The following OSBPL9 variants were observed in gnomAD, a reference collection of about 807,000 sequenced individuals.
OSBPL9 encodes oxysterol binding protein like 9.
In OSBPL9, 40 loss-of-function variants were observed where a neutral mutation model predicts 106.6. The ratio of observed to expected loss-of-function variants is 0.38; its 90% CI spans 0.29 to 0.49. The LOEUF is 0.49. Ranked by LOEUF, OSBPL9 falls within the 20% of genes least tolerant of loss-of-function variation. The pLI is 0.97. For synonymous variants in OSBPL9, 269 were observed against 295.4 expected (o/e 0.91, Z 0.92); for missense variants, 609 against 887.2 (o/e 0.69, Z 3.98).
At chr1:51,698,460 A>AG (rs1571155288) in intron 3 of OSBPL9, among the ~76,000 whole-genome samples, 2 of 152,242 alleles carry the variant, frequency 1.3e-5, no homozygotes, top group East Asian at 3.9e-4. Context: ...TCCAGTTTAT[A>AG]TGTATATGTG....
intron 2 of OSBPL9, among the ~76,000 whole-genome samples, chr1:51,663,295 A>AGTGTGTGTGTGTGT (rs10544368): frequency 5.4e-5 from 8 of 148,710 alleles, no homozygotes; most frequent in South Asian, 2.2e-4. Flanking sequence ...TATGCTGGCA[A>AGTGTGTGTGTGTGT]GTGTGTGTGT....
intron 12 of OSBPL9, among the ~76,000 whole-genome samples, chr1:51,766,469 C>T (rs1019150821): frequency 1.3e-5 from 2 of 152,124 alleles, no homozygotes; most frequent in African/African-American, 4.8e-5. Flanking sequence ...AGGCCCTGCC[C>T]ACAGGGAACT....
the OSBPL9 span, among the ~76,000 whole-genome samples, chr1:51,564,052 C>CAAAAAAAAAAAAAAAAAAAAAAAAA: frequency 3.7e-4 from 10 of 27,374 alleles, no homozygotes; most frequent in Admixed American, 7.2e-4. Context: ...GAGATCATCT[C>CAAAAAAAAAAAAAAAAAAAAAAAAA]AAAAAAAAAA....
At chr1:51,666,189 G>C (rs1648476378) in intron 2 of OSBPL9, among the ~76,000 whole-genome samples, 1 of 152,136 alleles carries the variant, frequency 6.6e-6, no homozygotes, top group South Asian at 2.1e-4. Context: ...TAGTAATGTG[G>C]TCATTGGAGA....
At position 51,730,005 on chromosome 1, in the gene OSBPL9, A is replaced by T. The variant is rs371034162; in HGVS notation, c.319-15531A>T. On this transcript the variant is annotated intron_variant, in intron 4 of 23. Transcript: ENST00000428468. ...TTTCTTGCTGGCCACTTGCGGAGTGAGTAGACCCCGAGGGTCTGGGAGAGG... is the reference window on the plus strand; with the variant it reads ...TTTCTTGCTGGCCACTTGCGGAGTGTGTAGACCCCGAGGGTCTGGGAGAGG... 235 of 1,314,346 alleles carry T rather than the reference A, an allele frequency of 1.8e-4. No homozygotes were observed. The highest frequency in any genetic ancestry group is 2.3e-4 in the Non-Finnish European group (233 of 1,023,442). The allele number at this position is 1,314,346 out of a possible 1,614,324, so 81.4% of individuals were successfully genotyped here.
chr1:51,751,007 G>C (rs1295585874), intron 8 of OSBPL9, among the ~76,000 whole-genome samples: 1 of 152,180 alleles, frequency 6.6e-6, no homozygotes, highest in African/African-American at 2.4e-5. Context: ...GCATAGGACA[G>C]TCCATTTGCA....
intron 1 of OSBPL9, among the ~76,000 whole-genome samples, chr1:51,582,312 A>G (rs1645225408): frequency 6.6e-6 from 1 of 152,072 alleles, no homozygotes; most frequent in Non-Finnish European, 1.5e-5. Context: ...ACAAGAGAAG[A>G]AGGAGCAGCT....
chr1:51,626,843 GTTTA>G (rs1644797305), intron 1 of OSBPL9, among the ~76,000 whole-genome samples: 1 of 152,150 alleles, frequency 6.6e-6, no homozygotes, highest in Non-Finnish European at 1.5e-5. Context: ...ATGATGTCCA[GTTTA>G]TTTGTTCTTC....
intron 14 of OSBPL9, among the ~76,000 whole-genome samples, chr1:51,774,040 A>G (rs1188990171): frequency 6.6e-6 from 1 of 152,104 alleles, no homozygotes; most frequent in Non-Finnish European, 1.5e-5. Context: ...CTCATTGGCC[A>G]GTATCAGGCA....
chr1:51,565,468 A>G, the OSBPL9 span: 1 of 152,190 alleles, frequency 6.6e-6, no homozygotes. Flanking sequence ...TTTGAAATTC[A>G]GCATATTATT....
At chr1:51,767,358 A>G (rs1463953565) in intron 12 of OSBPL9, among the ~76,000 whole-genome samples, 1 of 151,112 alleles carries the variant, frequency 6.6e-6, no homozygotes, top group Non-Finnish European at 1.5e-5. Context: ...GGGCTGCTGT[A>G]CTCCAGCCTG....
intron 1 of OSBPL9, among the ~76,000 whole-genome samples, chr1:51,585,391 G>A (rs1435315964): frequency 2.6e-5 from 4 of 152,328 alleles, no homozygotes; most frequent in South Asian, 4.1e-4. Context: ...GCAGAGCTGA[G>A]ATGAGGATTG....
At chr1:51,552,787 G>T in the OSBPL9 span, among the ~76,000 whole-genome samples, 3 of 151,850 alleles carry the variant, frequency 2.0e-5, no homozygotes, top group Non-Finnish European at 4.4e-5. Context: ...ACCATGCCCG[G>T]CTAATTTTTT....
At chr1:51,777,434 A>T (rs1675325472) in intron 15 of OSBPL9, among the ~76,000 whole-genome samples, 1 of 152,210 alleles carries the variant, frequency 6.6e-6, no homozygotes. Context: ...GATAGAAGTA[A>T]TGTAAAGGTG....
At chr1:51,626,699 T>G (rs1374785700) in intron 1 of OSBPL9, among the ~76,000 whole-genome samples, 1 of 151,780 alleles carries the variant, frequency 6.6e-6, no homozygotes, top group Non-Finnish European at 1.5e-5. Context: ...TTTTTTTTTT[T>G]GGTAGAGTTA....
intron 3 of OSBPL9, among the ~76,000 whole-genome samples, chr1:51,701,973 G>A (rs1657378610): frequency 6.6e-6 from 1 of 152,134 alleles, no homozygotes; most frequent in Admixed American, 6.5e-5. Flanking sequence ...CAAAGGACAT[G>A]AACTCATCAT....
intron 2 of OSBPL9, among the ~76,000 whole-genome samples, chr1:51,654,285 C>A (rs900762941): frequency 3.3e-5 from 5 of 152,190 alleles, no homozygotes; most frequent in African/African-American, 1.2e-4. Context: ...TCAGTACCTA[C>A]ACCCATTAAC....
intron 4 of OSBPL9, among the ~76,000 whole-genome samples, chr1:51,732,693 G>A (rs1315183502): frequency 1.3e-5 from 2 of 152,038 alleles, no homozygotes; most frequent in Non-Finnish European, 2.9e-5. Context: ...CTAGACTTTT[G>A]CAAGGCTTTC....
At chr1:51,601,849 T>C (rs1354487877) in intron 2 of OSBPL9, among the ~76,000 whole-genome samples, 1 of 152,130 alleles carries the variant, frequency 6.6e-6, no homozygotes. Context: ...TCAGGGCAAT[T>C]TTGTGCAGAA....
Sources: gnomAD v4.1 joint callset for allele counts (sites outside exome capture counted in the v4.1 genomes callset) on GRCh38, gnomAD v4.1.1 for gene constraint, MANE v1.5 for transcripts, NCBI Gene and HGNC (gene_info 2026-07-23, HGNC 2026-07-21) for gene names.